VAC14: variants seen among roughly 807,000 people sequenced by gnomAD.
VAC14 encodes the protein VAC14 component of PIKFYVE complex.
A neutral mutation model predicts 85.3 loss-of-function variants in VAC14; 47 were observed. The ratio of observed to expected loss-of-function variants is 0.55; its 90% CI spans 0.44 to 0.70. The LOEUF is 0.70. VAC14 is among the 30% of genes least tolerant of loss of function. VAC14 has a pLI of 0.00. For missense variants in VAC14, 861 were observed against 1,004.3 expected (o/e 0.86, Z 1.93); for synonymous variants, 447 against 430.5 (o/e 1.04, Z -0.47).
chr16:70,731,495 C>T lies in VAC14; in HGVS notation c.1661G>A (p.Arg554Lys). The T allele has an allele frequency of 6.2e-7, 1 of 1,613,722 alleles. No individual in the cohort carries two copies. The highest frequency in any genetic ancestry group is 8.5e-7 in the Non-Finnish European group (1 of 1,179,734). ...GAGAAAGCGCGCCGCCAAGGCTGAC[C>T]TGATGATGAAAGGGCCTCTGACCTC... ...LLEVRGPFII[R>K]QLCLLLNAEN... is the part of the protein sequence containing the mutation. Residue 554 changes from arginine (R) to lysine (K), a missense_variant and splice_region_variant, in exon 14 of 19, where the codon AGG (arginine) becomes AAG (lysine). This residue lies in a region of VAC14 where 69 missense variants were observed against 139.0 expected (regional missense o/e 0.50). Transcript: ENST00000261776.
At chr16:70,756,027 C>G (rs987007708) in intron 12 of VAC14, 8 of 456,660 alleles carry the variant, frequency 1.8e-5, no homozygotes, top group African/African-American at 1.4e-4. Flanking sequence ...CAGATGAGCC[C>G]TGGGACCCAG....
At chr16:70,749,425 C>T (rs1205906818) in intron 12 of VAC14, among the ~76,000 whole-genome samples, 5 of 152,352 alleles carry the variant, frequency 3.3e-5, no homozygotes, top group East Asian at 3.9e-4. Flanking sequence ...CAATTAAAGC[C>T]GGAAATGTTG....
At chr16:70,735,486 CA>C (rs1350416453) in intron 13 of VAC14, among the ~76,000 whole-genome samples, 2 of 152,238 alleles carry the variant, frequency 1.3e-5, no homozygotes, top group Admixed American at 6.5e-5. Context: ...CAGGAAGCAG[CA>C]GCAAGACTCT....
chr16:70,775,778 T>A (rs2033484994), intron 9 of VAC14, among the ~76,000 whole-genome samples: 1 of 151,960 alleles, frequency 6.6e-6, no homozygotes, highest in East Asian at 1.9e-4. Flanking sequence ...CATTTATAGA[T>A]GAAATAATGT....
chr16:70,696,240 C>T (rs985555021), intron 16 of VAC14, among the ~76,000 whole-genome samples: 7 of 152,280 alleles, frequency 4.6e-5, no homozygotes, highest in Non-Finnish European at 7.4e-5. Context: ...TGGCCAGGCG[C>T]GGTGGCTCAC....
Position 70,736,064 on chromosome 16 carries a change from C to T in VAC14, c.1529-4437G>A, listed in dbSNP as rs538742937. On this transcript the variant is annotated intron_variant, in intron 13 of 18. Transcript: ENST00000261776. ...GGGCACTGGCTTCATGCTGCCCACA[C>T]TGGAGGCACCCTGTTCACTGCAAGC... Among the ~76,000 whole-genome samples the T allele has an allele frequency of 1.1e-4, 16 of 152,342 alleles. No homozygotes were observed. The East Asian group carries it at 2.9e-3, about 28-fold the overall frequency.
intron 13 of VAC14, 76 bp downstream of exon 13, chr16:70,744,347 G>T: frequency 6.3e-7 from 1 of 1,579,268 alleles, no homozygotes; most frequent in South Asian, 1.2e-5. Context: ...CAACCCAAAG[G>T]ACCGCCATGG....
intron 14 of VAC14, among the ~76,000 whole-genome samples, chr16:70,706,638 G>T (rs1462886556): frequency 6.6e-6 from 1 of 152,190 alleles, no homozygotes; most frequent in African/African-American, 2.4e-5. Flanking sequence ...TGGTGGCTGG[G>T]ATTACAGGCA....
intron 12 of VAC14, among the ~76,000 whole-genome samples, chr16:70,750,855 C>T (rs1384017686): frequency 6.6e-6 from 1 of 152,090 alleles, no homozygotes; most frequent in Non-Finnish European, 1.5e-5. Flanking sequence ...CTCTCACTCT[C>T]CCCAGGGTGC....
At chr16:70,789,173 A>G (rs1243025406) in intron 1 of VAC14, among the ~76,000 whole-genome samples, 1 of 152,200 alleles carries the variant, frequency 6.6e-6, no homozygotes, top group African/African-American at 2.4e-5. Context: ...AAACAGTAAC[A>G]CAGTTTAACA....
Position 70,763,134 on chromosome 16 carries a change from C to G in VAC14, c.1161-109G>C, listed in dbSNP as rs189333155. On this transcript the variant is annotated intron_variant, in intron 10 of 18. Coordinates refer to ENST00000261776, the MANE Select transcript of VAC14 (RefSeq NM_018052.5). ...CACATCCTGAGTCACACACTGCTAA[C>G]CACCGTCTAGGGGGATCGGGGGTCA... 4.6e-6 allele frequency: 7 copies of G among 1,506,170 alleles called. No individual in the cohort carries two copies. The East Asian group carries it at 1.6e-4, about 35-fold the overall frequency. 93.3% of individuals were successfully genotyped at this position (1,506,170 alleles called of 1,614,324 possible). A position where few individuals can be genotyped will look rare whatever the true frequency, so the allele number is the denominator to read the frequency against.
In VAC14 at chr16:70,762,731, A is replaced by G. The variant is rs1485824145; in HGVS notation, c.1306-126T>C. The stretch of plus-strand genomic sequence containing the variant: ...ACGGACCACTTCCCTCCCCGACACA[A>G]TGAGGGCTCCTCGCAGCACCTGTCA... On this transcript the variant is annotated intron_variant, in intron 11 of 18. Coordinates refer to ENST00000261776, the MANE Select transcript of VAC14 (RefSeq NM_018052.5). The surrounding 1 kb of genome is among the most constrained non-coding windows in gnomAD (Gnocchi z 4.1). The G allele has an allele frequency of 1.3e-6, 2 of 1,484,260 alleles. No individual in the cohort carries two copies. The highest frequency in any genetic ancestry group is 1.2e-5 in the South Asian group (1 of 83,588). The allele number at this position is 1,484,260 out of a possible 1,614,324, so 91.9% of individuals were successfully genotyped here.
chr16:70,756,445 C>A (rs930282337), intron 12 of VAC14, among the ~76,000 whole-genome samples: 2 of 152,342 alleles, frequency 1.3e-5, no homozygotes, highest in Admixed American at 6.5e-5. Context: ...GAACTCTCCC[C>A]TTCCTCCCCT....
chr16:70,726,770 A>T (rs2054440784), intron 14 of VAC14, among the ~76,000 whole-genome samples: 2 of 152,248 alleles, frequency 1.3e-5, no homozygotes, highest in African/African-American at 4.8e-5. Context: ...TGCTAAGGAA[A>T]GGGCCTGGAG....
At chr16:70,746,809 A>G (rs1379053527) in intron 12 of VAC14, among the ~76,000 whole-genome samples, 1 of 151,768 alleles carries the variant, frequency 6.6e-6, no homozygotes, top group Non-Finnish European at 1.5e-5. Context: ...ATGCACACCA[A>G]TGCTTGCTGG....
At chr16:70,726,819 C>T (rs77705737) in intron 14 of VAC14, among the ~76,000 whole-genome samples, 10,887 of 152,228 alleles carry the variant, frequency 0.072, 994 homozygotes, top group African/African-American at 0.22. Flanking sequence ...TTTAAAGCCA[C>T]TGGCTTCACC....
chr16:70,738,252 G>C (rs1234788102), intron 13 of VAC14, among the ~76,000 whole-genome samples: 2 of 152,198 alleles, frequency 1.3e-5, no homozygotes, highest in African/African-American at 2.4e-5. Flanking sequence ...CAGAACTGGA[G>C]GGGGTGCACA....
At chr16:70,714,333 G>T (rs143621512) in intron 14 of VAC14, 2 of 152,248 alleles carry the variant, frequency 1.3e-5, no homozygotes, top group African/African-American at 2.4e-5. Flanking sequence ...ATTCACAGAC[G>T]GGGCACGCAG....
intron 1 of VAC14, among the ~76,000 whole-genome samples, chr16:70,796,933 A>G (rs2034570892): frequency 6.6e-6 from 1 of 152,176 alleles, no homozygotes; most frequent in African/African-American, 2.4e-5. Context: ...GTGTCCTCAT[A>G]AAAGGAGACA....
Sources: allele counts gnomAD v4.1 joint callset (sites outside exome capture counted in the v4.1 genomes callset), GRCh38; gene constraint gnomAD v4.1.1; regional missense constraint gnomAD v4.1.1; non-coding constraint Gnocchi (gnomAD v3.1); transcripts MANE v1.5; gene names NCBI Gene and HGNC (gene_info 2026-07-23, HGNC 2026-07-21).